Variants in GOSR1 observed in about 807,000 individuals in gnomAD.
GOSR1 encodes the protein golgi SNAP receptor complex member 1, also known as 28 kDa Golgi SNARE protein.
In GOSR1, 21 loss-of-function variants were observed where a neutral mutation model predicts 35.5. The observed-to-expected ratio is 0.59, with a 90% CI of 0.42 to 0.85. The LOEUF (loss-of-function observed/expected upper bound fraction) is 0.85, where lower values mean the gene tolerates loss of function less well. GOSR1 is among the 40% of genes least tolerant of loss of function. The pLI is 0.00. For missense variants in GOSR1, 285 were observed against 309.6 expected, an observed-to-expected ratio of 0.92 and a Z score of 0.60; for synonymous variants, 94 against 106.6, an observed-to-expected ratio of 0.88 and a Z score of 0.73.
At chr17:30,480,564 G>C (rs1914267669) in intron 1 of GOSR1, among the ~76,000 whole-genome samples, 1 of 152,112 alleles carries the variant, frequency 6.6e-6, no homozygotes, top group Non-Finnish European at 1.5e-5. Flanking sequence ...TTTCAGGAAG[G>C]ATAGAACAAC....
chr17:30,488,296 C>G lies in GOSR1; in HGVS notation c.343-1830C>G, dbSNP rs200554123. On this transcript the variant is annotated intron_variant, in intron 4 of 8. Coordinates refer to ENST00000451249, the MANE Select transcript of GOSR1 (RefSeq NM_001007025.2). ...TCTCCTGCCTCAGCCTCCCGAGTAG[C>G]TGGGACTCCAGGCGCTCGCCACCAT... 3.2e-4 allele frequency among the ~76,000 whole-genome samples: 48 copies of G among 150,882 alleles called. No homozygotes were observed. In the East Asian group the frequency reaches 8.5e-3, roughly 27 times the overall value.
intron 4 of GOSR1, among the ~76,000 whole-genome samples, chr17:30,486,080 C>T (rs144376408): frequency 1.3e-5 from 2 of 149,490 alleles, no homozygotes; most frequent in African/African-American, 4.9e-5. Flanking sequence ...AATGTATTAT[C>T]GGGTTAAAAG....
chr17:30,490,310 G>A (rs1224952381), intron 5 of GOSR1, 93 bp downstream of exon 5: 6 of 625,428 alleles, frequency 9.6e-6, no homozygotes, highest in East Asian at 2.8e-5. Flanking sequence ...TGGCAGAACC[G>A]TGGTTGAGAT....
chr17:30,508,681 A>G (rs1967498537), intron 6 of GOSR1, among the ~76,000 whole-genome samples: 1 of 152,206 alleles, frequency 6.6e-6, no homozygotes, highest in African/African-American at 2.4e-5. Context: ...ATTTATATCA[A>G]TTTTCTGCTT....
intron 6 of GOSR1, among the ~76,000 whole-genome samples, chr17:30,508,599 A>C (rs1967494684): frequency 6.6e-6 from 1 of 152,200 alleles, no homozygotes; most frequent in South Asian, 2.1e-4. Context: ...GTGCTTCTAT[A>C]CATGTTTGTT....
At chr17:30,518,363 A>G (rs1442707910) in intron 7 of GOSR1, among the ~76,000 whole-genome samples, 4 of 151,760 alleles carry the variant, frequency 2.6e-5, no homozygotes, top group South Asian at 2.1e-4. Context: ...TACTCCATGG[A>G]GGAAATGGAC....
Position 30,492,724 on chromosome 17 carries a change from A to T in GOSR1, c.480A>T (p.Leu160=). 6.2e-7 allele frequency: 1 copy of T among 1,603,456 alleles called. No individual in the cohort carries two copies. The highest frequency in any genetic ancestry group is 8.5e-7 in the Non-Finnish European group (1 of 1,170,536). Residue 160 remains leucine, a synonymous_variant, in exon 6 of 9, where the codon CTA becomes CTT. Transcript: ENST00000451249. ...GAGTAAACAACAGAAGAACTGAGCT[A>T]TTTTTGAAAGAACATGACCACCTTC... The part of the protein sequence containing the change: ...GSGVNNRRTE[L]FLKEHDHLRN...
At chr17:30,515,595 C>T (rs888813446) in intron 7 of GOSR1, among the ~76,000 whole-genome samples, 3 of 152,176 alleles carry the variant, frequency 2.0e-5, no homozygotes, top group Non-Finnish European at 2.9e-5. Flanking sequence ...CTACAAATCT[C>T]CATTTTTAAC....
rs1567894858 is a variant in GOSR1 at position 30,481,139 on chromosome 17, A to G, written c.32-4A>G. On this transcript the variant is annotated splice_region_variant and splice_polypyrimidine_tract_variant and intron_variant, in intron 1 of 8. Transcript: ENST00000451249. ...AATTATTTGTTGTTATAATTTTGTTAAAGATCTCAGGAAACAGGCTCGACA... is the reference window on the plus strand; with the variant it reads ...AATTATTTGTTGTTATAATTTTGTTGAAGATCTCAGGAAACAGGCTCGACA... 6.3e-7 allele frequency: 1 copy of G among 1,580,258 alleles called. No individual in the cohort carries two copies. The highest frequency in any genetic ancestry group is 1.7e-5 in the Admixed American group (1 of 59,886).
Position 30,522,260 on chromosome 17 carries a change from T to C in GOSR1, c.629T>C (p.Phe210Ser), listed in dbSNP as rs768929044. 82 of 1,600,012 alleles carry C rather than the reference T, an allele frequency of 5.1e-5. No homozygotes were observed. The highest frequency in any genetic ancestry group is 6.7e-5 in the Non-Finnish European group (79 of 1,174,934). Reference sequence around the variant, plus strand: ...TAATAAAGATTTCCCAAAGATCGTTTTCCTGCTGTAAACAGCCTGATCCAG... The same window carrying C: ...TAATAAAGATTTCCCAAAGATCGTTCTCCTGCTGTAAACAGCCTGATCCAG... ...HSKMNTLANR[F>S]PAVNSLIQRI... The change falls in exon 9 of 9, where the codon TTT (phenylalanine) becomes TCT (serine). Residue 210 changes from phenylalanine to serine, a missense_variant. Coordinates refer to ENST00000451249, the MANE Select transcript of GOSR1 (RefSeq NM_001007025.2).
At position 30,526,301 on chromosome 17, in the gene GOSR1, C is replaced by G. The variant is rs553273672; in HGVS notation, c.*3923C>G. 1 of 152,228 alleles carries G rather than the reference C, an allele frequency of 6.6e-6. No individual in the cohort carries two copies. Among genetic ancestry groups the G allele is most frequent in the African/African-American group, 2.4e-5 (1 of 41,534 alleles). The allele number at this position is 152,228 out of a possible 1,614,324, so 9.4% of individuals were successfully genotyped here. ...TATAATGAATCTTTCCTTTTTGGTC[C>G]TTTTAAGTAACCACTCAAAACTTTT... On this transcript the variant is annotated 3_prime_UTR_variant, in exon 9 of 9. Transcript: ENST00000451249.
chr17:30,521,383 A>G (rs1389047451), intron 8 of GOSR1, among the ~76,000 whole-genome samples: 1 of 151,470 alleles, frequency 6.6e-6, no homozygotes, highest in African/African-American at 2.4e-5. Context: ...GGGTTTCACC[A>G]TGTTGCCCAG....
At chr17:30,480,309 CAAAAAAA>C (rs907439755) in intron 1 of GOSR1, 1 of 103,214 alleles carries the variant, frequency 9.7e-6, no homozygotes, top group Non-Finnish European at 2.0e-5. Context: ...GACTCCATCT[CAAAAAAA>C]AAAAGAAAAA....
intron 6 of GOSR1, among the ~76,000 whole-genome samples, chr17:30,507,718 G>A (rs1419509037): frequency 3.1e-5 from 3 of 96,828 alleles, no homozygotes; most frequent in African/African-American, 5.1e-5. Context: ...GCAAGACTCT[G>A]TCTCAAAAAA....
chr17:30,504,639 A>G (rs147995760), intron 6 of GOSR1, among the ~76,000 whole-genome samples: 1 of 152,354 alleles, frequency 6.6e-6, no homozygotes, highest in African/African-American at 2.4e-5. Flanking sequence ...TTCGGAAAGT[A>G]TACCTAAGAT....
intron 6 of GOSR1, among the ~76,000 whole-genome samples, chr17:30,496,697 A>G (rs184152750): frequency 1.2e-3 from 186 of 152,248 alleles, no homozygotes; most frequent in Non-Finnish European, 2.3e-3. Context: ...GCAGCTAACA[A>G]TACCTAGCAA....
chr17:30,484,381 A>G, intron 3 of GOSR1, 80 bp downstream of exon 3: 1 of 851,594 alleles, frequency 1.2e-6, no homozygotes, highest in Non-Finnish European at 2.1e-6. Context: ...ATTGAGACAG[A>G]CATGTTTATT....
chr17:30,514,429 T>C (rs1967726046), intron 7 of GOSR1, among the ~76,000 whole-genome samples: 1 of 152,234 alleles, frequency 6.6e-6, no homozygotes, highest in South Asian at 2.1e-4. Flanking sequence ...GTAAATTGTT[T>C]TGGACTGCCC....
Position 30,507,284 on chromosome 17 carries a change from G to A in GOSR1, c.510-3596G>A, listed in dbSNP as rs141335650. Among the ~76,000 whole-genome samples the A allele has an allele frequency of 3.3e-5, 5 of 152,282 alleles. No individual in the cohort carries two copies. In the East Asian group the frequency reaches 7.7e-4, roughly 23 times the overall value. ...TAGATGCCATTAAGAACATTCATGA[G>A]GAGGTCAAAATATCAACATTAACAG... On this transcript the variant is annotated intron_variant, in intron 6 of 8. Coordinates refer to ENST00000451249, the MANE Select transcript of GOSR1 (RefSeq NM_001007025.2).
Sources: gnomAD v4.1 joint callset for allele counts (sites outside exome capture counted in the v4.1 genomes callset) on GRCh38, gnomAD v4.1.1 for gene constraint, MANE v1.5 for transcripts, NCBI Gene and HGNC (gene_info 2026-07-23, HGNC 2026-07-21) for gene names.